The following CALN1 variants were observed in gnomAD, a reference collection of about 807,000 sequenced individuals.
CALN1 encodes the protein calneuron 1.
Under a neutral mutation model 30.6 loss-of-function variants are expected in CALN1, and 17 were observed. That is an observed-to-expected ratio of 0.56 (90% CI 0.38 to 0.83). The LOEUF (loss-of-function observed/expected upper bound fraction) is 0.83, where lower values mean the gene tolerates loss of function less well. CALN1 is among the 40% of genes least tolerant of loss of function. CALN1 has a pLI of 0.00. For missense variants in CALN1, 291 were observed against 354.9 expected, an observed-to-expected ratio of 0.82 and a Z score of 1.45; for synonymous variants, 156 against 131.4, an observed-to-expected ratio of 1.19 and a Z score of -1.28.
At chr7:71,976,255 G>C (rs1363991710) in intron 5 of CALN1, among the ~76,000 whole-genome samples, 7 of 152,122 alleles carry the variant, frequency 4.6e-5, no homozygotes, top group Non-Finnish European at 1.0e-4. Context: ...GAAAGGTGAT[G>C]AATCACGTAA....
chr7:72,064,179 G>T (rs1405281380), intron 4 of CALN1, among the ~76,000 whole-genome samples: 1 of 151,872 alleles, frequency 6.6e-6, no homozygotes, highest in African/African-American at 2.4e-5. Context: ...CTACTCAGGA[G>T]GCTGAGGCAG....
chr7:72,387,323 T>C (rs1225186191), intron 2 of CALN1, among the ~76,000 whole-genome samples: 1 of 86,974 alleles, frequency 1.1e-5, no homozygotes, highest in Admixed American at 1.5e-4. Flanking sequence ...GCATCTCCCA[T>C]ATACAAGAAT....
intron 1 of CALN1, 21 bp downstream of exon 1, chr7:72,412,037 C>G (rs559975586): frequency 1.3e-5 from 2 of 152,208 alleles, no homozygotes; most frequent in Admixed American, 1.3e-4. Context: ...GCCCACCATG[C>G]TCTTTAGTTT....
In CALN1 at chr7:72,143,118, GGACAGAGAAT is replaced by G. The variant is rs1810076533; in HGVS notation, c.245-36834_245-36825del. On this transcript the variant is annotated intron_variant, in intron 3 of 6. Coordinates refer to ENST00000395275, the MANE Select transcript of CALN1 (RefSeq NM_031468.4). ...TCCTCACCAGCAACAGAACAAAGCT[GGACAGAGAAT>G]GACTTTGACGAGTTGAGAGAAGAAG... Among the ~76,000 whole-genome samples the G allele has an allele frequency of 2.6e-5, 4 of 152,270 alleles. No homozygotes were observed. The South Asian group carries it at 8.3e-4, about 32-fold the overall frequency.
At chr7:72,112,394 G>C (rs1169773590) in intron 3 of CALN1, among the ~76,000 whole-genome samples, 1 of 152,206 alleles carries the variant, frequency 6.6e-6, no homozygotes, top group Non-Finnish European at 1.5e-5. Flanking sequence ...TCTTCAGGAA[G>C]AATGTGGGTC....
intron 3 of CALN1, among the ~76,000 whole-genome samples, chr7:72,141,704 G>C (rs189675502): frequency 1.3e-5 from 2 of 152,040 alleles, no homozygotes; most frequent in African/African-American, 4.8e-5. Flanking sequence ...GAGGAGCTAG[G>C]ATTACAGGCA....
chr7:72,108,193 C>T (rs1807313072), intron 3 of CALN1, among the ~76,000 whole-genome samples: 1 of 152,212 alleles, frequency 6.6e-6, no homozygotes, highest in South Asian at 2.1e-4. Flanking sequence ...CTCCAATCTC[C>T]ATCTTCTCCT....
intron 5 of CALN1, among the ~76,000 whole-genome samples, chr7:71,865,948 A>G (rs1791559055): frequency 6.6e-6 from 1 of 152,222 alleles, no homozygotes; most frequent in East Asian, 1.9e-4. Flanking sequence ...ATAAAACACA[A>G]AAGTATACGA....
At chr7:71,874,096 G>A (rs930649230) in intron 5 of CALN1, among the ~76,000 whole-genome samples, 2 of 151,954 alleles carry the variant, frequency 1.3e-5, no homozygotes, top group African/African-American at 4.8e-5. Flanking sequence ...CCAACATGGT[G>A]ACATCCCATC....
At chr7:72,207,224 G>C (rs1284635054) in intron 3 of CALN1, among the ~76,000 whole-genome samples, 1 of 151,982 alleles carries the variant, frequency 6.6e-6, no homozygotes, top group African/African-American at 2.4e-5. Flanking sequence ...CAACCACTCC[G>C]GCCCTCTGTC....
intron 2 of CALN1, among the ~76,000 whole-genome samples, chr7:72,374,774 T>TCA (rs919283364): frequency 5.9e-5 from 9 of 152,264 alleles, no homozygotes; most frequent in African/African-American, 2.2e-4. Context: ...TCCTCATGTA[T>TCA]CACCTTCTCC....
intron 2 of CALN1, among the ~76,000 whole-genome samples, chr7:72,297,183 T>C (rs1338801249): frequency 6.6e-6 from 1 of 152,176 alleles, no homozygotes; most frequent in Admixed American, 6.6e-5. Context: ...TTTCATTATG[T>C]ACCCAAGGAG....
chr7:71,902,153 G>A (rs1793885433), intron 5 of CALN1, among the ~76,000 whole-genome samples: 2 of 152,102 alleles, frequency 1.3e-5, no homozygotes, highest in Admixed American at 1.3e-4. Context: ...GAACCTGGGA[G>A]GCGGAGCTTG....
chr7:72,147,123 C>G (rs1161193677), intron 3 of CALN1, among the ~76,000 whole-genome samples: 1 of 152,180 alleles, frequency 6.6e-6, no homozygotes. Context: ...CAAATGGGAT[C>G]TAATTAAACT....
chr7:72,413,137 G>A (rs766269073), upstream of CALN1, among the ~76,000 whole-genome samples: 4 of 151,936 alleles, frequency 2.6e-5, no homozygotes, highest in Non-Finnish European at 4.4e-5. Flanking sequence ...ACTCTTACAC[G>A]TATGCTCACT....
At chr7:72,235,335 G>A (rs963299082) in intron 3 of CALN1, among the ~76,000 whole-genome samples, 2 of 151,978 alleles carry the variant, frequency 1.3e-5, no homozygotes, top group African/African-American at 4.8e-5. Flanking sequence ...AGTTCAAGCA[G>A]ATCAATTAGA....
intron 5 of CALN1, among the ~76,000 whole-genome samples, chr7:72,019,079 C>T (rs374106000): frequency 2.5e-4 from 38 of 151,684 alleles, no homozygotes; most frequent in African/African-American, 8.2e-4. Flanking sequence ...TCAAACTCCC[C>T]GCCTCAACTG....
chr7:72,462,013 G>GA, the CALN1 span, among the ~76,000 whole-genome samples: 5 of 138,356 alleles, frequency 3.6e-5, no homozygotes, highest in Admixed American at 3.5e-4. Context: ...GTCTCAAAAA[G>GA]AAAGAAAGAA....
intron 6 of CALN1, among the ~76,000 whole-genome samples, chr7:71,807,850 C>T (rs192758987): frequency 4.6e-5 from 7 of 151,968 alleles, no homozygotes; most frequent in African/African-American, 1.2e-4. Context: ...CCGAGGTGGG[C>T]GGATTACGAG....
Sources: allele counts gnomAD v4.1 joint callset (sites outside exome capture counted in the v4.1 genomes callset), GRCh38; gene constraint gnomAD v4.1.1; transcripts MANE v1.5; gene names NCBI Gene and HGNC (gene_info 2026-07-23, HGNC 2026-07-21).